Variants in CEP41 observed in about 807,000 individuals in gnomAD.
CEP41 encodes the protein centrosomal protein of 41 kDa.
In CEP41, 32 loss-of-function variants were observed where a neutral mutation model predicts 44.3. That is an observed-to-expected ratio of 0.72 (90% CI 0.54 to 0.97). The LOEUF is 0.97. Among genes scored for constraint, CEP41 ranks in the 50% least tolerant of loss-of-function variants. CEP41 has a pLI of 0.00. For missense variants in CEP41, 432 were observed against 455.2 expected, an observed-to-expected ratio of 0.95 and a Z score of 0.46; for synonymous variants, 151 against 168.5, an observed-to-expected ratio of 0.90 and a Z score of 0.80.
At chr7:130,414,107 T>A (rs1356614416) in intron 3 of CEP41, among the ~76,000 whole-genome samples, 1 of 152,212 alleles carries the variant, frequency 6.6e-6, no homozygotes, top group African/African-American at 2.4e-5. Flanking sequence ...TGATACTACT[T>A]TAAAAACTAG....
At chr7:130,432,059 C>G (rs1376241242) in intron 1 of CEP41, among the ~76,000 whole-genome samples, 1 of 152,106 alleles carries the variant, frequency 6.6e-6, no homozygotes, top group Non-Finnish European at 1.5e-5. Context: ...TTAGCCAGCC[C>G]AAACGCCAAT....
rs1554414117 is a variant in CEP41 at position 130,395,492 on chromosome 7, C to T, written c.*3399G>A. On this transcript the variant is annotated 3_prime_UTR_variant, in exon 11 of 11. Coordinates refer to ENST00000223208, the MANE Select transcript of CEP41 (RefSeq NM_018718.3). ...CTTACTGATTATCTTCAGAGTAGAG[C>T]AAGAAGGTGGTCATGGATTTAAATC... 1 of 454,046 alleles carries T rather than the reference C, an allele frequency of 2.2e-6. No homozygotes were observed. Among genetic ancestry groups the T allele is most frequent in the East Asian group, 6.9e-5 (1 of 14,390 alleles). 28.1% of individuals were successfully genotyped at this position (454,046 alleles called of 1,614,324 possible). A position where few individuals can be genotyped will look rare whatever the true frequency, so the allele number is the denominator to read the frequency against.
intron 1 of CEP41, among the ~76,000 whole-genome samples, chr7:130,436,261 C>A (rs922282630): frequency 6.6e-6 from 1 of 151,292 alleles, no homozygotes; most frequent in Non-Finnish European, 1.5e-5. Flanking sequence ...AACTTGTATG[C>A]GACTCAAGGA....
chr7:130,418,166 G>A (rs775293933), intron 2 of CEP41, among the ~76,000 whole-genome samples: 2 of 152,138 alleles, frequency 1.3e-5, no homozygotes, highest in Non-Finnish European at 2.9e-5. Flanking sequence ...AGGATTCAGA[G>A]CAGGCCTGGA....
At chr7:130,419,328 G>T in intron 2 of CEP41, 1 of 985,386 alleles carries the variant, frequency 1.0e-6, no homozygotes, top group African/African-American at 1.7e-5. Context: ...GAGATAGCAG[G>T]ATGGCTGACA....
intron 1 of CEP41, among the ~76,000 whole-genome samples, chr7:130,429,578 T>C (rs537168118): frequency 6.6e-6 from 1 of 152,348 alleles, no homozygotes; most frequent in Admixed American, 6.5e-5. Context: ...CCTGGCTTTA[T>C]CTTCTGCCAC....
chr7:130,399,113 G>T, intron 10 of CEP41, 74 bp from the exon 11 acceptor site: 1 of 1,575,178 alleles, frequency 6.3e-7, no homozygotes, highest in Non-Finnish European at 8.7e-7. Context: ...ACAGTTTTAA[G>T]CTAATGAAGT....
intron 2 of CEP41, chr7:130,426,770 G>A (rs1554423648): frequency 2.4e-6 from 1 of 409,316 alleles, no homozygotes; most frequent in South Asian, 1.7e-5. Flanking sequence ...CTAAGAAACA[G>A]TACACCAGAC....
intron 1 of CEP41, among the ~76,000 whole-genome samples, chr7:130,431,562 A>G (rs1797822030): frequency 6.6e-6 from 1 of 152,188 alleles, no homozygotes; most frequent in Admixed American, 6.5e-5. Flanking sequence ...TTGGCACCTA[A>G]TCCAGGTTAA....
chr7:130,440,799 AT>A, intron 1 of CEP41, 134 bp downstream of exon 1: 6 of 257,074 alleles, frequency 2.3e-5, no homozygotes, highest in Non-Finnish European at 3.7e-5. Context: ...CCGCCCCTGC[AT>A]CCCGACCCCT....
intron 2 of CEP41, chr7:130,426,796 C>A (rs937576799): frequency 2.7e-6 from 1 of 366,150 alleles, no homozygotes; most frequent in Admixed American, 3.8e-5. Context: ...ACCAGATCTC[C>A]AATATTGACT....
chr7:130,419,714 G>A, intron 2 of CEP41: 1 of 984,986 alleles, frequency 1.0e-6, no homozygotes, highest in Non-Finnish European at 1.2e-6. Flanking sequence ...CTCTAGCACT[G>A]GACACCAACT....
At chr7:130,408,674 A>G (rs1797082935) in intron 5 of CEP41, among the ~76,000 whole-genome samples, 1 of 152,232 alleles carries the variant, frequency 6.6e-6, no homozygotes, top group South Asian at 2.1e-4. Context: ...AGAATGTGGC[A>G]ATCAGCACTG....
rs1554414022 is a variant in CEP41, at chr7:130,395,267, G to A, written c.*3624C>T. ...ATTGCTTTTGCATGAAAAAATAATT[G>A]TTAGTGAAAAATTAATGGACCTGCA... On this transcript the variant is annotated 3_prime_UTR_variant, in exon 11 of 11. Transcript: ENST00000223208. 1 of 453,146 alleles carries A rather than the reference G, an allele frequency of 2.2e-6. No homozygotes were observed. The highest frequency in any genetic ancestry group is 2.4e-5 in the Admixed American group (1 of 42,522). 28.1% of individuals were successfully genotyped at this position (453,146 alleles called of 1,614,324 possible).
rs1191559442 is a variant in CEP41 at position 130,400,592 on chromosome 7, G to A, written c.757+115C>T. The A allele has an allele frequency of 3.9e-6, 3 of 767,812 alleles. No homozygotes were observed. The African/African-American group carries it at 5.2e-5, about 13-fold the overall frequency. The allele number at this position is 767,812 out of a possible 1,614,324, so 47.6% of individuals were successfully genotyped here. ...CTCCTGACTCCTTTCAGCCAGCATGGCTTTTTCTCTTTCCAGAACACTGAA... is the reference window on the plus strand; with the variant it reads ...CTCCTGACTCCTTTCAGCCAGCATGACTTTTTCTCTTTCCAGAACACTGAA... On this transcript the variant is annotated intron_variant, in intron 9 of 10. Coordinates refer to ENST00000223208, the MANE Select transcript of CEP41 (RefSeq NM_018718.3).
intron 5 of CEP41, among the ~76,000 whole-genome samples, chr7:130,409,075 T>G (rs1797097141): frequency 2.0e-5 from 3 of 152,228 alleles, no homozygotes; most frequent in Admixed American, 2.0e-4. Flanking sequence ...TTTATATACT[T>G]TTTACGGTTT....
At chr7:130,411,260 CAA>C (rs1481677228) in intron 4 of CEP41, 69 bp from the exon 5 acceptor site, 14 of 1,282,866 alleles carry the variant, frequency 1.1e-5, no homozygotes, top group Non-Finnish European at 1.6e-5. Context: ...TTGTCTTTTA[CAA>C]AAGACGAGGG....
intron 3 of CEP41, among the ~76,000 whole-genome samples, chr7:130,413,902 C>T (rs1797259441): frequency 6.6e-6 from 1 of 152,128 alleles, no homozygotes; most frequent in Admixed American, 6.6e-5. Flanking sequence ...TTAACTGCTG[C>T]CTCATTATTT....
rs1554415135 is a variant in CEP41, at chr7:130,397,386, C to T, written c.*1505G>A. 6 of 454,002 alleles carry T rather than the reference C, an allele frequency of 1.3e-5. No individual in the cohort carries two copies. The highest frequency in any genetic ancestry group is 9.3e-5 in the South Asian group (6 of 64,432). The allele number at this position is 454,002 out of a possible 1,614,324, so 28.1% of individuals were successfully genotyped here. A position where few individuals can be genotyped will look rare whatever the true frequency, so the allele number is the denominator to read the frequency against. On this transcript the variant is annotated 3_prime_UTR_variant, in exon 11 of 11. Transcript: ENST00000223208. ...TGGAAATCAAGTAGAGAAGAATAAACACACTCTAAAACAGAACTGGGCTGA... is the reference window on the plus strand; with the variant it reads ...TGGAAATCAAGTAGAGAAGAATAAATACACTCTAAAACAGAACTGGGCTGA...
Sources: gnomAD v4.1 joint callset for allele counts (sites outside exome capture counted in the v4.1 genomes callset) on GRCh38, gnomAD v4.1.1 for gene constraint, MANE v1.5 for transcripts, NCBI Gene and HGNC (gene_info 2026-07-23, HGNC 2026-07-21) for gene names.